VEPH1: variants seen among roughly 807,000 people sequenced by gnomAD.
The protein encoded by VEPH1 is ventricular zone expressed PH domain containing 1.
In VEPH1, 80 loss-of-function variants were observed where a neutral mutation model predicts 85.2. That is an observed-to-expected ratio of 0.94 (90% CI 0.78 to 1.13). The LOEUF (loss-of-function observed/expected upper bound fraction) is 1.13, where lower values mean the gene tolerates loss of function less well. VEPH1 is among the 50% of genes most tolerant of loss of function. The pLI, the probability that VEPH1 is intolerant of heterozygous loss-of-function variation, is 0.00. For missense variants in VEPH1, 955 were observed against 980.5 expected, an observed-to-expected ratio of 0.97 and a Z score of 0.35; for synonymous variants, 297 against 348.0, an observed-to-expected ratio of 0.85 and a Z score of 1.63.
At chr3:157,439,900 G>A (rs1035327208) in intron 4 of VEPH1, among the ~76,000 whole-genome samples, 1 of 152,042 alleles carries the variant, frequency 6.6e-6, no homozygotes, top group Non-Finnish European at 1.5e-5. Context: ...ACAGGTGCTC[G>A]CCACCTTACC....
rs141821239 is a variant in VEPH1 at position 157,482,312 on chromosome 3, C to G, written c.139-11783G>C. 5.6e-3 allele frequency among the ~76,000 whole-genome samples: 850 copies of G among 152,264 alleles called. 2 individuals carry two copies. Among genetic ancestry groups the G allele is most frequent in the Middle Eastern group, 0.027 (8 of 294 alleles). ...GATCCCAACTCACCGTAACCTCTGCCTCCCAGGTTCAAGTGATTCTTATGC... is the reference window on the plus strand; with the variant it reads ...GATCCCAACTCACCGTAACCTCTGCGTCCCAGGTTCAAGTGATTCTTATGC... On this transcript the variant is annotated intron_variant, in intron 2 of 13. Coordinates refer to ENST00000362010, the MANE Select transcript of VEPH1 (RefSeq NM_001167912.2).
intron 5 of VEPH1, among the ~76,000 whole-genome samples, chr3:157,416,925 G>C (rs1407255797): frequency 6.6e-6 from 1 of 151,874 alleles, no homozygotes; most frequent in South Asian, 2.1e-4. Flanking sequence ...GAAAGAGAAA[G>C]AAAGAAGAGA....
chr3:157,433,050 G>T (rs963490344), intron 4 of VEPH1, among the ~76,000 whole-genome samples: 10 of 152,144 alleles, frequency 6.6e-5, no homozygotes, highest in Non-Finnish European at 1.2e-4. Context: ...TATTAATAAA[G>T]CAATAGATTT....
chr3:157,408,031 A>G (rs1316094885), intron 6 of VEPH1, among the ~76,000 whole-genome samples: 1 of 152,120 alleles, frequency 6.6e-6, no homozygotes, highest in African/African-American at 2.4e-5. Context: ...CCCTCATCGT[A>G]AGCAAATCCA....
intron 6 of VEPH1, among the ~76,000 whole-genome samples, chr3:157,399,408 C>A (rs945140747): frequency 1.3e-5 from 2 of 152,266 alleles, no homozygotes; most frequent in South Asian, 2.1e-4. Flanking sequence ...TTCTTTGTGA[C>A]CTGAACCCAA....
intron 11 of VEPH1, among the ~76,000 whole-genome samples, chr3:157,301,718 A>G (rs1056752345): frequency 6.6e-6 from 1 of 152,070 alleles, no homozygotes; most frequent in Non-Finnish European, 1.5e-5. Flanking sequence ...CTTTCTTGAT[A>G]TCTGTGATGC....
intron 2 of VEPH1, among the ~76,000 whole-genome samples, chr3:157,494,674 A>C (rs1157776039): frequency 1.3e-5 from 2 of 152,188 alleles, no homozygotes; most frequent in Non-Finnish European, 2.9e-5. Flanking sequence ...AAAGATAAAA[A>C]TAGAGACAAT....
intron 7 of VEPH1, among the ~76,000 whole-genome samples, chr3:157,376,690 T>G (rs4680360): frequency 6.6e-6 from 1 of 152,046 alleles, no homozygotes; most frequent in African/African-American, 2.4e-5. Flanking sequence ...AAAACTCACT[T>G]AATTTATTCA....
chr3:157,463,163 T>C (rs1411479962), intron 3 of VEPH1, among the ~76,000 whole-genome samples: 1 of 152,198 alleles, frequency 6.6e-6, no homozygotes, highest in Admixed American at 6.5e-5. Context: ...TATCTTGCAC[T>C]TAAGCATCCC....
At chr3:157,495,143 G>T in intron 2 of VEPH1, 69 bp downstream of exon 2, 1 of 1,476,318 alleles carries the variant, frequency 6.8e-7, no homozygotes, top group South Asian at 1.2e-5. Flanking sequence ...TTTCTGCCAG[G>T]ATATAAACAA....
intron 11 of VEPH1, among the ~76,000 whole-genome samples, chr3:157,311,632 G>GT (rs1720123411): frequency 6.6e-6 from 1 of 152,098 alleles, no homozygotes; most frequent in Non-Finnish European, 1.5e-5. Flanking sequence ...TTAGAGAAAT[G>GT]TTTATTAGCA....
chr3:157,390,966 G>A (rs1184216131), intron 6 of VEPH1, among the ~76,000 whole-genome samples: 2 of 152,244 alleles, frequency 1.3e-5, no homozygotes, highest in African/African-American at 4.8e-5. Context: ...CAAAGCGGAA[G>A]CTGCTTGAGG....
Position 157,425,521 on chromosome 3 carries a change from G to A in VEPH1, c.696+2801C>T, listed in dbSNP as rs544579406. On this transcript the variant is annotated intron_variant, in intron 5 of 13. Coordinates refer to ENST00000362010, the MANE Select transcript of VEPH1 (RefSeq NM_001167912.2). The stretch of plus-strand genomic sequence containing the variant: ...TGGAGTCAATGGAGATCATTTCGGA[G>A]CTTTAATATTTGACTGCCCTCCTGG... Among the ~76,000 whole-genome samples the A allele has an allele frequency of 7.2e-5, 11 of 152,292 alleles. No homozygotes were observed. The South Asian group carries it at 1.0e-3, about 14-fold the overall frequency.
At chr3:157,390,215 A>T (rs1386459710) in intron 6 of VEPH1, among the ~76,000 whole-genome samples, 1 of 152,204 alleles carries the variant, frequency 6.6e-6, no homozygotes, top group Admixed American at 6.5e-5. Context: ...AAAGACAAAA[A>T]AAGTTTGAAC....
In VEPH1 at chr3:157,428,498, G is replaced by A. The variant is rs755740234; in HGVS notation, c.530-10C>T. ...AACAACATGGTGTTACCTGTTGAGG[G>A]AACAATAAAGGGAATGATGACTTTA... is the stretch of plus-strand genomic sequence containing the variant. On this transcript the variant is annotated splice_polypyrimidine_tract_variant and intron_variant, in intron 4 of 13. Coordinates refer to ENST00000362010, the MANE Select transcript of VEPH1 (RefSeq NM_001167912.2). 3 of 1,611,762 alleles carry A rather than the reference G, an allele frequency of 1.9e-6. No individual in the cohort carries two copies. The Admixed American group carries it at 5.0e-5, about 27-fold the overall frequency.
At chr3:157,347,364 T>G (rs1724343077) in intron 9 of VEPH1, among the ~76,000 whole-genome samples, 1 of 152,150 alleles carries the variant, frequency 6.6e-6, no homozygotes, top group Admixed American at 6.5e-5. Context: ...ATTTTTCAAA[T>G]AAATAGAAGA....
intron 2 of VEPH1, among the ~76,000 whole-genome samples, chr3:157,490,297 G>A (rs540796927): frequency 6.6e-6 from 1 of 151,878 alleles, no homozygotes; most frequent in Admixed American, 6.6e-5. Flanking sequence ...CTTATTACAA[G>A]GTAAGAGATA....
intron 12 of VEPH1, among the ~76,000 whole-genome samples, chr3:157,277,129 G>A (rs1039214333): frequency 1.3e-5 from 2 of 152,156 alleles, no homozygotes; most frequent in East Asian, 3.9e-4. Flanking sequence ...GGGATCAAGT[G>A]ATCCACCCAC....
At chr3:157,369,179 T>TGAA (rs1553773019) in intron 7 of VEPH1, among the ~76,000 whole-genome samples, 9 of 15,052 alleles carry the variant, frequency 6.0e-4, no homozygotes, top group African/African-American at 2.3e-3. Context: ...AAAAACCAAA[T>TGAA]GAAAAAAAAA....
Sources: allele counts gnomAD v4.1 joint callset (sites outside exome capture counted in the v4.1 genomes callset), GRCh38; gene constraint gnomAD v4.1.1; transcripts MANE v1.5; gene names NCBI Gene and HGNC (gene_info 2026-07-23, HGNC 2026-07-21).